Variants in DOCK3 observed in about 807,000 individuals in gnomAD.
DOCK3 encodes the protein dedicator of cytokinesis 3, also known as dedicator of cytokinesis protein 3.
Under a neutral mutation model 265.6 loss-of-function variants are expected in DOCK3, and 60 were observed. The observed-to-expected ratio is 0.23, with a 90% CI of 0.18 to 0.28. The LOEUF (loss-of-function observed/expected upper bound fraction) is 0.28, where lower values mean the gene tolerates loss of function less well. DOCK3 is among the 10% of genes least tolerant of loss of function. DOCK3 has a pLI of 1.00. For missense variants in DOCK3, 1,981 were observed against 2,594.3 expected (o/e 0.76, Z 5.14); for synonymous variants, 881 against 938.0 (o/e 0.94, Z 1.11).
chr3:51,038,129 T>C (rs2080342508), intron 5 of DOCK3, among the ~76,000 whole-genome samples: 1 of 152,186 alleles, frequency 6.6e-6, no homozygotes, highest in Non-Finnish European at 1.5e-5. Flanking sequence ...AATGCTAGTG[T>C]TGTCTATCCA....
chr3:50,904,326 A>C (rs1382115688), intron 4 of DOCK3, among the ~76,000 whole-genome samples: 3 of 152,216 alleles, frequency 2.0e-5, no homozygotes, highest in African/African-American at 7.2e-5. Context: ...TAGATCCTTG[A>C]GGAATCGCTA....
intron 1 of DOCK3, among the ~76,000 whole-genome samples, chr3:50,749,254 C>T (rs1004293350): frequency 1.3e-5 from 2 of 152,144 alleles, no homozygotes; most frequent in South Asian, 4.1e-4. Context: ...ACAAATTTAG[C>T]ATTTAATATT....
chr3:51,271,969 G>C (rs2080526116), intron 24 of DOCK3, among the ~76,000 whole-genome samples: 1 of 152,110 alleles, frequency 6.6e-6, no homozygotes, highest in Non-Finnish European at 1.5e-5. Flanking sequence ...GGATTAGAGA[G>C]AGAAATGGAC....
intron 1 of DOCK3, among the ~76,000 whole-genome samples, chr3:50,764,259 A>G (rs2040719643): frequency 6.6e-6 from 1 of 152,214 alleles, no homozygotes; most frequent in Admixed American, 6.5e-5. Context: ...ATACTACAGA[A>G]GCTGTATACA....
At chr3:50,797,110 A>G (rs1345812867) in intron 2 of DOCK3, among the ~76,000 whole-genome samples, 1 of 152,186 alleles carries the variant, frequency 6.6e-6, no homozygotes, top group Non-Finnish European at 1.5e-5. Flanking sequence ...GGCAGAGTGC[A>G]CACTGCTGCA....
chr3:50,980,346 G>A (rs1474322293), intron 5 of DOCK3, among the ~76,000 whole-genome samples: 2 of 152,076 alleles, frequency 1.3e-5, no homozygotes, highest in Non-Finnish European at 2.9e-5. Context: ...ATGTGTTGTT[G>A]CATACAGTTT....
At position 51,362,001 on chromosome 3, in the gene DOCK3, C is replaced by T. The variant is rs138743227; in HGVS notation, c.5145+4C>T. On this transcript the variant is annotated splice_donor_region_variant and intron_variant, in intron 48 of 52. Coordinates refer to ENST00000266037, the MANE Select transcript of DOCK3 (RefSeq NM_004947.5). ...GGACCTGTACCACCACATGCAGGTA[C>T]AGAGCTGTCCACGGAGAGTGGGCCA... 203 of 1,602,732 alleles carry T rather than the reference C, an allele frequency of 1.3e-4. No homozygotes were observed. The African/African-American group carries it at 2.5e-3, about 19-fold the overall frequency.
chr3:51,359,296 C>T lies in DOCK3; in HGVS notation c.4885-1215C>T, dbSNP rs2086573387. 6.6e-6 allele frequency among the ~76,000 whole-genome samples: 1 copy of T among 151,792 alleles called. No individual in the cohort carries two copies. Among genetic ancestry groups the T allele is most frequent in the South Asian group, 2.1e-4 (1 of 4,820 alleles). ...AGCCTGTGTGGACAAGTGTGGACAG[C>T]ATGAAAAGAGAAAAAGAAGCTTGTT... On this transcript the variant is annotated intron_variant, in intron 46 of 52. Coordinates refer to ENST00000266037, the MANE Select transcript of DOCK3 (RefSeq NM_004947.5). The surrounding 1 kb of genome is among the most constrained non-coding windows in gnomAD (Gnocchi z 4.8).
intron 12 of DOCK3, among the ~76,000 whole-genome samples, chr3:51,197,254 A>G (rs541136189): frequency 3.9e-5 from 6 of 152,204 alleles, no homozygotes; most frequent in Admixed American, 1.3e-4. Flanking sequence ...GGCAGTGTAC[A>G]CTGGCAGCCA....
chr3:50,904,854 G>A lies in DOCK3; in HGVS notation c.218+14773G>A, dbSNP rs989125346. On this transcript the variant is annotated intron_variant, in intron 4 of 52. Coordinates refer to ENST00000266037, the MANE Select transcript of DOCK3 (RefSeq NM_004947.5). ...CCTTGCACATGCCTATGTCCTAAAT[G>A]GTATTGCCCAGGTTTTCTTCTAGGG... 2.6e-4 allele frequency among the ~76,000 whole-genome samples: 40 copies of A among 152,138 alleles called. 1 individual carries two copies. The highest frequency in any genetic ancestry group is 4.1e-4 in the South Asian group (2 of 4,822).
rs963093475 is a variant in DOCK3 at position 51,015,265 on chromosome 3, A to T, written c.316-49183A>T. ...CTCATTCAGTATGATACCAGCCGTG[A>T]ATCTGTTATATATGGCTTTTACTGT... On this transcript the variant is annotated intron_variant, in intron 5 of 52. Coordinates refer to ENST00000266037, the MANE Select transcript of DOCK3 (RefSeq NM_004947.5). Among the ~76,000 whole-genome samples, 3 of 152,056 alleles carry T rather than the reference A, an allele frequency of 2.0e-5. No individual in the cohort carries two copies. In the East Asian group the frequency reaches 5.8e-4, roughly 29 times the overall value.
intron 1 of DOCK3, among the ~76,000 whole-genome samples, chr3:50,745,265 C>T (rs1202403125): frequency 6.6e-6 from 1 of 151,904 alleles, no homozygotes; most frequent in African/African-American, 2.4e-5. Context: ...AGGCTGATCT[C>T]GAACTCCCAA....
chr3:51,219,725 T>C (rs552609442), intron 14 of DOCK3, among the ~76,000 whole-genome samples: 3 of 152,182 alleles, frequency 2.0e-5, no homozygotes, highest in Non-Finnish European at 2.9e-5. Flanking sequence ...AACAGAGATA[T>C]GGTTTTTGGA....
chr3:50,781,337 A>G (rs2108530082), intron 2 of DOCK3, among the ~76,000 whole-genome samples: 1 of 140,328 alleles, frequency 7.1e-6, no homozygotes, highest in Non-Finnish European at 1.5e-5. Flanking sequence ...GTGCCATCAC[A>G]GCTTACTGTA....
rs144970073 is a variant in DOCK3 at position 51,307,890 on chromosome 3, TG to T, written c.2923-2341del. On this transcript the variant is annotated intron_variant, in intron 27 of 52. Transcript: ENST00000266037. The stretch of plus-strand genomic sequence containing the variant: ...GTTAAATTATATGGGTTTTTTTTTT[TG>T]TTTTTTTTTTCTCTCCAACAAATGC... Among the ~76,000 whole-genome samples the T allele has an allele frequency of 9.3e-3, 1,361 of 146,906 alleles. 45 individuals carry two copies. Among genetic ancestry groups the T allele is most frequent in the African/African-American group, 0.024 (942 of 39,616 alleles).
chr3:51,044,051 T>C (rs923854030), intron 5 of DOCK3, among the ~76,000 whole-genome samples: 1 of 152,182 alleles, frequency 6.6e-6, no homozygotes, highest in Non-Finnish European at 1.5e-5. Flanking sequence ...AGAAATACCA[T>C]TTGATCCAGT....
In DOCK3 at chr3:51,106,100, C is replaced by T. The variant is rs893922940; in HGVS notation, c.746+15716C>T. On this transcript the variant is annotated intron_variant, in intron 9 of 52. Coordinates refer to ENST00000266037, the MANE Select transcript of DOCK3 (RefSeq NM_004947.5). Reference sequence around the variant, plus strand: ...GGAGCATGGCCAGAGATGCCTCTCCCGCTAGGCTTCACTTGCTCCAATAGG... The same window carrying T: ...GGAGCATGGCCAGAGATGCCTCTCCTGCTAGGCTTCACTTGCTCCAATAGG... Among the ~76,000 whole-genome samples, 11 of 152,322 alleles carry T rather than the reference C, an allele frequency of 7.2e-5. No individual in the cohort carries two copies. The South Asian group carries it at 8.3e-4, about 11-fold the overall frequency.
At chr3:50,765,316 T>C (rs918561098) in intron 1 of DOCK3, among the ~76,000 whole-genome samples, 1 of 152,094 alleles carries the variant, frequency 6.6e-6, no homozygotes, top group South Asian at 2.1e-4. Context: ...ACTCCTGACC[T>C]CAAGTAATCT....
At chr3:50,738,930 G>A (rs1354801960) in intron 1 of DOCK3, among the ~76,000 whole-genome samples, 1 of 151,976 alleles carries the variant, frequency 6.6e-6, no homozygotes, top group Admixed American at 6.6e-5. Context: ...CTTTTTGTAG[G>A]TCCAGGCACA....
Sources: allele counts gnomAD v4.1 joint callset (sites outside exome capture counted in the v4.1 genomes callset), GRCh38; gene constraint gnomAD v4.1.1; non-coding constraint Gnocchi (gnomAD v3.1); transcripts MANE v1.5; gene names NCBI Gene and HGNC (gene_info 2026-07-23, HGNC 2026-07-21).